Variants in PLEKHA6 observed in about 807,000 individuals in gnomAD.
PLEKHA6 encodes pleckstrin homology domain containing A6.
PLEKHA6 carries 60 observed loss-of-function variants against 116.7 expected under a neutral mutation model. That is an observed-to-expected ratio of 0.51 (90% CI 0.42 to 0.64). The LOEUF (loss-of-function observed/expected upper bound fraction) is 0.64. PLEKHA6 is among the 30% of genes least tolerant of loss of function. The pLI is 0.00. For missense variants in PLEKHA6, 1,338 were observed against 1,422.7 expected, an observed-to-expected ratio of 0.94 and a Z score of 0.96; for synonymous variants, 489 against 556.1, an observed-to-expected ratio of 0.88 and a Z score of 1.70.
intron 1 of PLEKHA6, among the ~76,000 whole-genome samples, chr1:204,345,338 G>A (rs1672999046): frequency 6.6e-6 from 1 of 152,012 alleles, no homozygotes; most frequent in South Asian, 2.1e-4. Flanking sequence ...TCCTAACAAG[G>A]AGGCCAGGAC....
chr1:204,235,243 G>C (rs1002854879), intron 17 of PLEKHA6, among the ~76,000 whole-genome samples: 1 of 151,746 alleles, frequency 6.6e-6, no homozygotes, highest in Non-Finnish European at 1.5e-5. Context: ...GATAGTCCTT[G>C]GCATGAACTG....
intron 9 of PLEKHA6, among the ~76,000 whole-genome samples, chr1:204,253,118 T>C (rs1266496840): frequency 2.0e-5 from 3 of 152,230 alleles, no homozygotes; most frequent in Non-Finnish European, 4.4e-5. Context: ...CTCATTGATA[T>C]TTTTGAGTTT....
At chr1:204,227,482 C>T (rs1660519915) in intron 21 of PLEKHA6, among the ~76,000 whole-genome samples, 1 of 152,202 alleles carries the variant, frequency 6.6e-6, no homozygotes, top group African/African-American at 2.4e-5. Flanking sequence ...CTGTTGATCT[C>T]AGCCCTATCA....
chr1:204,269,700 C>A (rs187569796), intron 3 of PLEKHA6, among the ~76,000 whole-genome samples: 21 of 152,286 alleles, frequency 1.4e-4, no homozygotes, highest in African/African-American at 4.8e-4. Context: ...ACTATCTTTG[C>A]CTCTTCCCCT....
chr1:204,373,390 A>AT lies in PLEKHA6; in HGVS notation c.84-1785dup, dbSNP rs35131724. Among the ~76,000 whole-genome samples, 112 of 149,394 alleles carry AT rather than the reference A, an allele frequency of 7.5e-4. No individual in the cohort carries two copies. In the Middle Eastern group the frequency reaches 0.01, roughly 14 times the overall value. Reference sequence around the variant, plus strand: ...GAGCCACTGCACCTGGTCTCTGGCTATTTTTTTTTTGCAGAGACAAGGTCT... The same window carrying AT: ...GAGCCACTGCACCTGGTCTCTGGCTATTTTTTTTTTTGCAGAGACAAGGTCT... On this transcript the variant is annotated intron_variant, in intron 1 of 4. Coordinates refer to the PLEKHA6 transcript ENST00000564627.
chr1:204,292,908 A>G (rs1175962733), intron 1 of PLEKHA6, among the ~76,000 whole-genome samples: 1 of 9,614 alleles, frequency 1.0e-4, no homozygotes, highest in African/African-American at 8.2e-4. Flanking sequence ...GGAAGCTGTT[A>G]GTGTTAGAGA....
chr1:204,317,422 G>T (rs1671902024), intron 1 of PLEKHA6, among the ~76,000 whole-genome samples: 1 of 152,192 alleles, frequency 6.6e-6, no homozygotes. Context: ...GGCCCCACCT[G>T]TAGCCTTCAC....
chr1:204,251,557 A>G (rs1664563810), intron 9 of PLEKHA6: 1 of 702,834 alleles, frequency 1.4e-6, no homozygotes, highest in East Asian at 2.7e-5. Context: ...GACCTGGGGG[A>G]GGAGTTTTCC....
At chr1:204,350,371 A>C (rs11240727) in intron 1 of PLEKHA6, among the ~76,000 whole-genome samples, 103,465 of 152,156 alleles carry the variant, frequency 0.68, 35,460 homozygotes, top group East Asian at 0.82. Context: ...CAGATGTTCC[A>C]ACCTGTGTAA....
chr1:204,356,044 A>C (rs531685926), intron 1 of PLEKHA6, among the ~76,000 whole-genome samples: 2 of 152,250 alleles, frequency 1.3e-5, no homozygotes, highest in Admixed American at 1.3e-4. Flanking sequence ...AATGTAAATT[A>C]GTGCTTTTGA....
chr1:204,244,365 T>A (rs927272005), intron 15 of PLEKHA6, among the ~76,000 whole-genome samples: 1 of 151,398 alleles, frequency 6.6e-6, no homozygotes, highest in African/African-American at 2.4e-5. Flanking sequence ...ACAGTCTCTA[T>A]ATCCTGACCT....
At chr1:204,237,174 T>A (rs1280789798) in intron 17 of PLEKHA6, among the ~76,000 whole-genome samples, 1 of 152,150 alleles carries the variant, frequency 6.6e-6, no homozygotes, top group African/African-American at 2.4e-5. Context: ...CAGGTACAAC[T>A]TACAGTGGGT....
chr1:204,262,366 A>G (rs915660329), intron 6 of PLEKHA6, among the ~76,000 whole-genome samples: 1 of 152,110 alleles, frequency 6.6e-6, no homozygotes, highest in Non-Finnish European at 1.5e-5. Context: ...TGATGCATCT[A>G]TTTCACGGGA....
At chr1:204,264,249 T>A (rs1289667347) in intron 6 of PLEKHA6, among the ~76,000 whole-genome samples, 2 of 152,098 alleles carry the variant, frequency 1.3e-5, no homozygotes, top group Non-Finnish European at 2.9e-5. Flanking sequence ...TTCTGATGGG[T>A]CGTGACTTTT....
intron 1 of PLEKHA6, 84 bp from the exon 2 acceptor site, chr1:204,274,893 G>A (rs1667846383): frequency 1.0e-6 from 1 of 983,106 alleles, no homozygotes; most frequent in South Asian, 4.7e-5. Flanking sequence ...CCTGGGTGGT[G>A]ACAGGGACAG....
chr1:204,361,245 T>C (rs566678802), upstream of PLEKHA6, among the ~76,000 whole-genome samples: 2 of 152,330 alleles, frequency 1.3e-5, no homozygotes, highest in East Asian at 1.9e-4. Flanking sequence ...TTAAGCCTCT[T>C]GACTCCAATA....
At chr1:204,371,887 T>C (rs986634179) in intron 1 of PLEKHA6, among the ~76,000 whole-genome samples, 1 of 152,356 alleles carries the variant, frequency 6.6e-6, no homozygotes, top group African/African-American at 2.4e-5. Context: ...TGATAGGCAC[T>C]GTAATCCCTA....
At chr1:204,359,072 C>T (rs1673495627) in intron 1 of PLEKHA6, among the ~76,000 whole-genome samples, 1 of 152,018 alleles carries the variant, frequency 6.6e-6, no homozygotes, top group African/African-American at 2.4e-5. Flanking sequence ...AATGCCATCC[C>T]CTCATTCCCT....
intron 1 of PLEKHA6, among the ~76,000 whole-genome samples, chr1:204,314,771 G>A (rs1422932782): frequency 6.6e-6 from 1 of 152,214 alleles, no homozygotes; most frequent in Non-Finnish European, 1.5e-5. Flanking sequence ...AATGGCGCAG[G>A]GGCGGTAGAG....
Sources: allele counts gnomAD v4.1 joint callset (sites outside exome capture counted in the v4.1 genomes callset), GRCh38; gene constraint gnomAD v4.1.1; transcripts MANE v1.5; gene names NCBI Gene and HGNC (gene_info 2026-07-23, HGNC 2026-07-21).